Variants in NCOA3 observed in about 807,000 individuals in gnomAD.
NCOA3 encodes the protein nuclear receptor coactivator 3.
In NCOA3, 51 loss-of-function variants were observed where a neutral mutation model predicts 158.8. The observed-to-expected ratio is 0.32, with a 90% CI of 0.26 to 0.41. The LOEUF (loss-of-function observed/expected upper bound fraction) is 0.41, where lower values mean the gene tolerates loss of function less well. NCOA3 is among the 10% of genes least tolerant of loss of function. The pLI, the probability that NCOA3 is intolerant of heterozygous loss-of-function variation, is 1.00. For synonymous variants in NCOA3, 537 were observed against 592.4 expected, an observed-to-expected ratio of 0.91 and a Z score of 1.36; for missense variants, 1,510 against 1,746.6, an observed-to-expected ratio of 0.86 and a Z score of 2.41.
intron 1 of NCOA3, among the ~76,000 whole-genome samples, chr20:47,544,583 G>C (rs574282733): frequency 8.6e-5 from 13 of 151,722 alleles, no homozygotes; most frequent in Admixed American, 4.6e-4. Context: ...CCAATTTTTT[G>C]GTTATTTTCT....
At chr20:47,621,966 C>T (rs72645238) in intron 2 of NCOA3, among the ~76,000 whole-genome samples, 2,016 of 152,126 alleles carry the variant, frequency 0.013, 15 homozygotes, top group Non-Finnish European at 0.021. Context: ...CATGAGCTAC[C>T]GCACCCTGCA....
At position 47,636,305 on chromosome 20, in the gene NCOA3, C is replaced by G. The variant is rs778829476; in HGVS notation, c.1919C>G (p.Ser640Cys). 1.9e-6 allele frequency: 3 copies of G among 1,614,018 alleles called. No individual in the cohort carries two copies. The highest frequency in any genetic ancestry group is 2.5e-6 in the Non-Finnish European group (3 of 1,180,032). Residue 640 changes from serine to cysteine, a missense_variant, in exon 12 of 23, where the codon TCC becomes TGC. Physicochemically the swap from Ser to Cys is moderately radical, Grantham distance 112. Coordinates refer to ENST00000371998, the MANE Select transcript of NCOA3 (RefSeq NM_181659.3). ...DDRGHSSLTN[S>C]PLDSSCKESS... is the part of the protein sequence containing the mutation. ...CGGGGTCATTCCTCCTTGACCAACTCCCCCCTAGATTCAAGTTGTAAAGAA... is the reference window on the plus strand; with the variant it reads ...CGGGGTCATTCCTCCTTGACCAACTGCCCCCTAGATTCAAGTTGTAAAGAA...
At chr20:47,638,409 C>T (rs910877705) in intron 13 of NCOA3, among the ~76,000 whole-genome samples, 12 of 152,060 alleles carry the variant, frequency 7.9e-5, no homozygotes, top group African/African-American at 2.7e-4. Context: ...GACTCCGTCT[C>T]AAACAAACAG....
At chr20:47,511,675 C>T (rs182602087) in intron 1 of NCOA3, among the ~76,000 whole-genome samples, 6 of 150,774 alleles carry the variant, frequency 4.0e-5, no homozygotes, top group East Asian at 1.9e-4. Flanking sequence ...CTCAGCCACC[C>T]GAGTAGCTGG....
At chr20:47,507,675 A>T (rs1162765684) in intron 1 of NCOA3, among the ~76,000 whole-genome samples, 1 of 152,102 alleles carries the variant, frequency 6.6e-6, no homozygotes, top group Non-Finnish European at 1.5e-5. Context: ...CTGGAGTGCA[A>T]TGGCACGATC....
At chr20:47,635,274 C>T (rs751976504) in intron 10 of NCOA3, 48 bp from the exon 11 acceptor site, 3 of 1,502,998 alleles carry the variant, frequency 2.0e-6, no homozygotes, top group Admixed American at 2.1e-5. Flanking sequence ...TAAAAGCTTT[C>T]ATGCATGCTT....
Position 47,635,379 on chromosome 20 carries a change from T to C in NCOA3, c.1170T>C (p.Pro390=). The change falls in exon 11 of 23, where the codon CCT becomes CCC. Residue 390 remains proline (P), a synonymous_variant. Coordinates refer to ENST00000371998, the MANE Select transcript of NCOA3 (RefSeq NM_181659.3). Reference sequence around the variant, plus strand: ...CTGTTGGACAAGGGATTAGACCACCTATGGCTGGATGCAACAGTTCGGTAG... The same window carrying C: ...CTGTTGGACAAGGGATTAGACCACCCATGGCTGGATGCAACAGTTCGGTAG... ...PNPVGQGIRP[P]MAGCNSSVGG... is the part of the protein sequence containing the mutation. The C allele has an allele frequency of 6.2e-7, 1 of 1,613,936 alleles. No individual in the cohort carries two copies. The highest frequency in any genetic ancestry group is 8.5e-7 in the Non-Finnish European group (1 of 1,179,788).
At chr20:47,593,355 T>C (rs2085683771) in intron 2 of NCOA3, among the ~76,000 whole-genome samples, 1 of 139,784 alleles carries the variant, frequency 7.2e-6, no homozygotes, top group Non-Finnish European at 1.5e-5. Flanking sequence ...TTTTTTTTTT[T>C]TTTTTTTGAG....
chr20:47,538,071 G>T (rs994274877), intron 1 of NCOA3, among the ~76,000 whole-genome samples: 1 of 151,786 alleles, frequency 6.6e-6, no homozygotes, highest in Non-Finnish European at 1.5e-5. Context: ...GTAGAGACAG[G>T]GTTTCACTAT....
intron 1 of NCOA3, among the ~76,000 whole-genome samples, chr20:47,537,213 C>G (rs1307719297): frequency 3.3e-5 from 5 of 152,088 alleles, no homozygotes; most frequent in Non-Finnish European, 1.5e-5. Context: ...TTTCCTTGGT[C>G]TGGAAGGGAC....
Position 47,656,237 on chromosome 20 carries a change from G to GGAA in NCOA3, c.*2822_*2824dup, listed in dbSNP as rs1298106224. The stretch of plus-strand genomic sequence containing the variant: ...ATGTTTCTTCCTTTAAAAAATAAAC[G>GGAA]GAAGTTACATTGTTAATGTTCATAT... On this transcript the variant is annotated 3_prime_UTR_variant, in exon 23 of 23. Transcript: ENST00000371998. 2 of 151,004 alleles carry GGAA rather than the reference G, an allele frequency of 1.3e-5. No homozygotes were observed. The highest frequency in any genetic ancestry group is 2.9e-5 in the Non-Finnish European group (2 of 67,874). 9.4% of individuals were successfully genotyped at this position (151,004 alleles called of 1,614,324 possible). A position where few individuals can be genotyped will look rare whatever the true frequency, so the allele number is the denominator to read the frequency against.
intron 16 of NCOA3, among the ~76,000 whole-genome samples, chr20:47,641,739 C>A (rs1248239426): frequency 6.6e-6 from 1 of 151,972 alleles, no homozygotes; most frequent in Non-Finnish European, 1.5e-5. Context: ...TCGTGATCCG[C>A]CCGCCTCGGC....
intron 1 of NCOA3, among the ~76,000 whole-genome samples, chr20:47,539,571 T>C (rs1258250083): frequency 6.6e-6 from 1 of 152,194 alleles, no homozygotes; most frequent in African/African-American, 2.4e-5. Flanking sequence ...TGGTGGTTTT[T>C]CCATTTTATA....
intron 1 of NCOA3, among the ~76,000 whole-genome samples, chr20:47,502,855 A>G (rs2083963163): frequency 6.6e-6 from 1 of 152,040 alleles, no homozygotes; most frequent in South Asian, 2.1e-4. Context: ...GTTTGAGGGC[A>G]TCTAGGGTGG....
Position 47,653,055 on chromosome 20 carries a change from C to T in NCOA3, c.4246C>T (p.Pro1416Ser). 1 of 1,614,152 alleles carries T rather than the reference C, an allele frequency of 6.2e-7. No individual in the cohort carries two copies. The highest frequency in any genetic ancestry group is 8.5e-7 in the Non-Finnish European group (1 of 1,180,002). The part of the protein sequence containing the change: ...NMNPMPMSGM[P>S]MGPDQKYC ...GAACCCCATGCCCATGTCTGGCATG[C>T]CTATGGGTCCTGATCAGGTATGGGA... The change falls in exon 22 of 23, where the codon CCT becomes TCT. Residue 1416 changes from proline to serine, a missense_variant. Physicochemically the swap from Pro to Ser is moderately conservative, Grantham distance 74. Coordinates refer to ENST00000371998, the MANE Select transcript of NCOA3 (RefSeq NM_181659.3).
chr20:47,614,043 G>T (rs1331702835), intron 2 of NCOA3, among the ~76,000 whole-genome samples: 2 of 151,586 alleles, frequency 1.3e-5, no homozygotes, highest in Non-Finnish European at 2.9e-5. Flanking sequence ...TCCACTTGAG[G>T]AGGAAGCTTT....
At chr20:47,559,080 A>C (rs1475099908) in intron 1 of NCOA3, among the ~76,000 whole-genome samples, 1 of 151,082 alleles carries the variant, frequency 6.6e-6, no homozygotes, top group Non-Finnish European at 1.5e-5. Flanking sequence ...CCCATAGAGC[A>C]CTATGTGTAA....
intron 8 of NCOA3, among the ~76,000 whole-genome samples, chr20:47,629,668 A>C (rs1254072378): frequency 1.3e-5 from 2 of 151,636 alleles, no homozygotes; most frequent in Admixed American, 1.3e-4. Context: ...CTCTGTATTA[A>C]CTCCCCTCAG....
At chr20:47,611,827 CCTT>C (rs756788689) in intron 2 of NCOA3, among the ~76,000 whole-genome samples, 7 of 151,854 alleles carry the variant, frequency 4.6e-5, no homozygotes, top group Non-Finnish European at 8.8e-5. Flanking sequence ...AAGCCCCACT[CCTT>C]CTGCCCCTCC....
Sources: allele counts gnomAD v4.1 joint callset (sites outside exome capture counted in the v4.1 genomes callset), GRCh38; gene constraint gnomAD v4.1.1; transcripts MANE v1.5; gene names NCBI Gene and HGNC (gene_info 2026-07-23, HGNC 2026-07-21).